The following KIFC3 variants were observed in gnomAD, a reference collection of about 807,000 sequenced individuals.
The protein encoded by KIFC3 is kinesin family member C3.
In KIFC3, 60 loss-of-function variants were observed where a neutral mutation model predicts 101.8. The ratio of observed to expected loss-of-function variants is 0.59; its 90% CI spans 0.48 to 0.73. The LOEUF (loss-of-function observed/expected upper bound fraction) is 0.73. KIFC3 is among the 30% of genes least tolerant of loss of function. KIFC3 has a pLI of 0.00. For missense variants in KIFC3, 966 were observed against 1,137.1 expected (o/e 0.85, Z 2.16); for synonymous variants, 476 against 482.7 (o/e 0.99, Z 0.18).
intron 1 of KIFC3, among the ~76,000 whole-genome samples, chr16:57,822,329 C>T (rs1238570696): frequency 7.9e-5 from 12 of 152,342 alleles, no homozygotes; most frequent in Admixed American, 7.8e-4. Context: ...TCCTGGAACA[C>T]AGTAGCTGCT....
chr16:57,780,323 C>T (rs1392234445), intron 3 of KIFC3, among the ~76,000 whole-genome samples: 3 of 152,048 alleles, frequency 2.0e-5, no homozygotes, highest in Non-Finnish European at 1.5e-5. Context: ...CCAGCCTGGC[C>T]AACATGGTGA....
At chr16:57,820,432 A>C (rs2055325453) in intron 1 of KIFC3, among the ~76,000 whole-genome samples, 1 of 151,566 alleles carries the variant, frequency 6.6e-6, no homozygotes, top group African/African-American at 2.4e-5. Flanking sequence ...ACGCCATAAC[A>C]CTCGGCTAAT....
At position 57,776,481 on chromosome 16, in the gene KIFC3, C is replaced by T. The variant is rs543596980; in HGVS notation, c.316-4193G>A. On this transcript the variant is annotated intron_variant, in intron 3 of 19. Coordinates refer to ENST00000445690, the MANE Select transcript of KIFC3 (RefSeq NM_001130100.2). ...GCCCAGGTTCTAATCCAGACATCCC[C>T]TTACCTGCTGGGTAACCTTGGACAA... 5 of 893,264 alleles carry T rather than the reference C, an allele frequency of 5.6e-6. No homozygotes were observed. In the Admixed American group the frequency reaches 3.1e-4, roughly 55 times the overall value. 55.3% of individuals were successfully genotyped at this position (893,264 alleles called of 1,614,324 possible). A position where few individuals can be genotyped will look rare whatever the true frequency, so the allele number is the denominator to read the frequency against.
intron 10 of KIFC3, 108 bp downstream of exon 10, chr16:57,766,766 G>A (rs1302178869): frequency 1.5e-6 from 1 of 683,806 alleles, no homozygotes; most frequent in African/African-American, 1.8e-5. Context: ...TATCTACAGA[G>A]ATAGGATTAG....
intron 3 of KIFC3, among the ~76,000 whole-genome samples, chr16:57,793,745 CT>C (rs1430519254): frequency 1.3e-5 from 2 of 151,030 alleles, no homozygotes; most frequent in African/African-American, 4.9e-5. Flanking sequence ...AGGAGAATCA[CT>C]TGAACCCGGG....
Position 57,771,546 on chromosome 16 carries a change from G to A in KIFC3, c.522C>T (p.Ser174=). The A allele has an allele frequency of 6.2e-7, 1 of 1,612,876 alleles. No individual in the cohort carries two copies. Among genetic ancestry groups the A allele is most frequent in the South Asian group, 1.1e-5 (1 of 91,020 alleles). The change falls in exon 5 of 20, where the codon AGC becomes AGT. Residue 174 remains serine (S), a synonymous_variant. Transcript: ENST00000445690. ...GGACCACGGCCATTCTGCTCACCTG[G>A]CTGTGCTCACAACCTGGGCAGGGAC... is the stretch of plus-strand genomic sequence containing the variant. ...PAGPCPGCEH[S]QESAQLRDKL...
intron 1 of KIFC3, among the ~76,000 whole-genome samples, chr16:57,821,459 A>G (rs981027061): frequency 2.0e-5 from 3 of 152,196 alleles, no homozygotes; most frequent in African/African-American, 7.2e-5. Context: ...GGAAGAGTTT[A>G]TTAGTCCATC....
chr16:57,760,517 G>A (rs2049714639), intron 16 of KIFC3, 101 bp from the exon 17 acceptor site: 1 of 1,412,082 alleles, frequency 7.1e-7, no homozygotes, highest in South Asian at 1.3e-5. Flanking sequence ...GCTTCCTGGA[G>A]AGGCCTGAGG....
At chr16:57,818,520 A>C (rs1555629330) in intron 1 of KIFC3, among the ~76,000 whole-genome samples, 1 of 152,054 alleles carries the variant, frequency 6.6e-6, no homozygotes, top group African/African-American at 2.4e-5. Context: ...ATGTGCTACG[A>C]AGCCCAGCTA....
intron 1 of KIFC3, among the ~76,000 whole-genome samples, chr16:57,850,815 C>T (rs768292868): frequency 9.2e-5 from 14 of 152,026 alleles, no homozygotes; most frequent in South Asian, 2.1e-4. Flanking sequence ...CGGAGTTCTC[C>T]GCAGGCCCTT....
chr16:57,759,912 C>G lies in KIFC3; in HGVS notation c.2368-76G>C, dbSNP rs1430855782. ...CCACCCTGCTGTGCTTCTCTCTACT[C>G]CCCTGCCCTGCCTCCTAACACCCAG... On this transcript the variant is annotated intron_variant, in intron 17 of 19. Transcript: ENST00000445690. 3.1e-5 allele frequency: 35 copies of G among 1,128,938 alleles called. No homozygotes were observed. The Admixed American group carries it at 9.4e-4, about 30-fold the overall frequency. The allele number at this position is 1,128,938 out of a possible 1,614,324, so 69.9% of individuals were successfully genotyped here.
At chr16:57,845,502 A>C (rs423766) in intron 1 of KIFC3, among the ~76,000 whole-genome samples, 1 of 151,992 alleles carries the variant, frequency 6.6e-6, no homozygotes, top group African/African-American at 2.4e-5. Context: ...TATCCCTCCC[A>C]ACACCTTTGC....
chr16:57,847,760 T>TTG (rs35081728), intron 1 of KIFC3, among the ~76,000 whole-genome samples: 12,859 of 139,590 alleles, frequency 0.092, 638 homozygotes, highest in East Asian at 0.19. Context: ...CCAGATGAAT[T>TTG]TGTGTGTGTG....
Position 57,802,332 on chromosome 16 carries a change from C to A in KIFC3, c.-40+38G>T. On this transcript the variant is annotated intron_variant, in intron 1 of 19. Transcript: ENST00000445690. The surrounding 1 kb of genome is among the most constrained non-coding windows in gnomAD (Gnocchi z 5.0). ...ACGGCGGGCCGGGCAGAGCCCAGCG[C>A]CCCGCTCGCACCCAGCCCGCCCGGG... is the stretch of plus-strand genomic sequence containing the variant. 1.0e-6 allele frequency: 1 copy of A among 954,258 alleles called. No individual in the cohort carries two copies. Among genetic ancestry groups the A allele is most frequent in the Non-Finnish European group, 1.2e-6 (1 of 802,188 alleles). The allele number at this position is 954,258 out of a possible 1,614,324, so 59.1% of individuals were successfully genotyped here.
At chr16:57,772,673 T>C (rs1426306791) in intron 3 of KIFC3, among the ~76,000 whole-genome samples, 3 of 151,996 alleles carry the variant, frequency 2.0e-5, no homozygotes, top group Non-Finnish European at 2.9e-5. Flanking sequence ...AATTTTATGT[T>C]CTCTCTCTTT....
intron 11 of KIFC3, 114 bp from the exon 12 acceptor site, chr16:57,764,361 C>T (rs1555600785): frequency 6.2e-6 from 4 of 641,674 alleles, no homozygotes; most frequent in Admixed American, 4.6e-5. Context: ...CACCACATCA[C>T]GTGTTACTGC....
chr16:57,828,279 C>T (rs2055499403), intron 1 of KIFC3, among the ~76,000 whole-genome samples: 1 of 152,252 alleles, frequency 6.6e-6, no homozygotes, highest in Non-Finnish European at 1.5e-5. Flanking sequence ...GCTTAGGTCC[C>T]TTTCTCAGGT....
At chr16:57,835,370 A>G (rs550431041) in intron 1 of KIFC3, among the ~76,000 whole-genome samples, 79 of 152,374 alleles carry the variant, frequency 5.2e-4, no homozygotes, top group Non-Finnish European at 9.3e-4. Context: ...AATGTGTTTC[A>G]GAAAGCAACA....
chr16:57,783,238 A>G (rs1251329644), intron 3 of KIFC3, among the ~76,000 whole-genome samples: 2 of 152,248 alleles, frequency 1.3e-5, no homozygotes, highest in Admixed American at 6.5e-5. Flanking sequence ...TTCAGAAAAG[A>G]CAAATCCATA....
Sources: gnomAD v4.1 joint callset for allele counts (sites outside exome capture counted in the v4.1 genomes callset) on GRCh38, gnomAD v4.1.1 for gene constraint, Gnocchi (gnomAD v3.1) non-coding constraint, MANE v1.5 for transcripts, NCBI Gene and HGNC (gene_info 2026-07-23, HGNC 2026-07-21) for gene names.